Variants in ASIC2 observed in about 807,000 individuals in gnomAD.
ASIC2 encodes acid sensing ion channel subunit 2.
A neutral mutation model predicts 57.3 loss-of-function variants in ASIC2; 25 were observed. The observed-to-expected ratio is 0.44, with a 90% CI of 0.32 to 0.61. The LOEUF is 0.61. Ranked by LOEUF, ASIC2 falls within the 20% of genes least tolerant of loss-of-function variation. The pLI, the probability that ASIC2 is intolerant of heterozygous loss-of-function variation, is 0.06. For missense variants in ASIC2, 641 were observed against 738.1 expected (o/e 0.87, Z 1.52); for synonymous variants, 319 against 307.5 (o/e 1.04, Z -0.39).
At chr17:33,767,414 A>G (rs972747302) in intron 1 of ASIC2, among the ~76,000 whole-genome samples, 1 of 152,252 alleles carries the variant, frequency 6.6e-6, no homozygotes, top group Non-Finnish European at 1.5e-5. Context: ...GTTTGCGTAT[A>G]AATTAGTGAG....
chr17:34,011,371 C>T (rs966564286), intron 1 of ASIC2, among the ~76,000 whole-genome samples: 5 of 152,098 alleles, frequency 3.3e-5, no homozygotes, highest in Non-Finnish European at 5.9e-5. Context: ...CTCACTAAGG[C>T]AAGGGCTACA....
rs1165669716 is a variant in ASIC2, at chr17:34,036,525, TAATAA to T, written c.555+119448_555+119452del. On this transcript the variant is annotated intron_variant, in intron 1 of 9. Transcript: ENST00000359872. ...TACCCTAAAACTTAAAGTATAATAA[TAATAA>T]AATAAAATAAAATAAAAAATAAAAA... Among the ~76,000 whole-genome samples, 145 of 150,192 alleles carry T rather than the reference TAATAA, an allele frequency of 9.7e-4. 1 individual carries two copies. The highest frequency in any genetic ancestry group is 2.3e-3 in the Admixed American group (34 of 14,996).
intron 1 of ASIC2, among the ~76,000 whole-genome samples, chr17:33,759,692 C>A (rs577395692): frequency 1.1e-4 from 17 of 152,304 alleles, no homozygotes; most frequent in African/African-American, 3.4e-4. Flanking sequence ...CACCTCAGGG[C>A]TCTGCTCCCT....
At chr17:34,004,118 C>T (rs1362938658) in intron 1 of ASIC2, 1 of 152,074 alleles carries the variant, frequency 6.6e-6, no homozygotes, top group African/African-American at 2.4e-5. Flanking sequence ...TTGTTGAGTA[C>T]TTTATCTCTT....
rs188776300 is a variant in ASIC2, at chr17:33,760,310, A to G, written c.555+395668T>C. On this transcript the variant is annotated intron_variant, in intron 1 of 9. Transcript: ENST00000359872. ...TATATATAGTATTTATAAATAATGT[A>G]TGTTTTTATTTTATTACTCATTTGA... Among the ~76,000 whole-genome samples, 653 of 152,154 alleles carry G rather than the reference A, an allele frequency of 4.3e-3. 8 individuals carry two copies. The highest frequency in any genetic ancestry group is 0.041 in the Middle Eastern group (12 of 290).
At chr17:33,991,139 G>A (rs1905988465) in intron 1 of ASIC2, among the ~76,000 whole-genome samples, 1 of 152,188 alleles carries the variant, frequency 6.6e-6, no homozygotes, top group South Asian at 2.1e-4. Flanking sequence ...TTATGGGTGT[G>A]AAGCTTGGTG....
chr17:33,777,653 C>A (rs1419138441), intron 1 of ASIC2, among the ~76,000 whole-genome samples: 1 of 152,090 alleles, frequency 6.6e-6, no homozygotes, highest in African/African-American at 2.4e-5. Context: ...GCCTGCTGTG[C>A]GGTAACTGAA....
At chr17:33,486,217 G>A (rs369789175) in intron 1 of ASIC2, among the ~76,000 whole-genome samples, 3 of 152,196 alleles carry the variant, frequency 2.0e-5, no homozygotes, top group Non-Finnish European at 2.9e-5. Context: ...TGACACCTAC[G>A]GGTAGTGTTT....
intron 1 of ASIC2, among the ~76,000 whole-genome samples, chr17:33,277,413 A>G (rs897810216): frequency 6.6e-6 from 1 of 152,224 alleles, no homozygotes; most frequent in Non-Finnish European, 1.5e-5. Context: ...TCTGGGCCTT[A>G]GCTGCCCCAT....
chr17:34,045,726 T>C (rs1429484621), intron 1 of ASIC2, among the ~76,000 whole-genome samples: 3 of 152,202 alleles, frequency 2.0e-5, no homozygotes, highest in African/African-American at 4.8e-5. Context: ...TACCTCTGGC[T>C]GAAAGCAAAA....
At chr17:33,129,020 G>A (rs2092335123) in intron 1 of ASIC2, among the ~76,000 whole-genome samples, 1 of 152,228 alleles carries the variant, frequency 6.6e-6, no homozygotes, top group Non-Finnish European at 1.5e-5. Context: ...GCACTCAGTA[G>A]AAATTTGTTG....
At chr17:33,527,533 G>T (rs1233659851) in intron 1 of ASIC2, among the ~76,000 whole-genome samples, 1 of 152,122 alleles carries the variant, frequency 6.6e-6, no homozygotes, top group Non-Finnish European at 1.5e-5. Flanking sequence ...GACCAGGAGT[G>T]GGGTGTTGTG....
chr17:33,821,071 G>A (rs1459685715), intron 1 of ASIC2, among the ~76,000 whole-genome samples: 1 of 152,132 alleles, frequency 6.6e-6, no homozygotes, highest in Non-Finnish European at 1.5e-5. Context: ...TTTCTGATTT[G>A]TTTCCTTGCC....
chr17:33,176,212 C>T (rs1283761011), intron 1 of ASIC2, among the ~76,000 whole-genome samples: 2 of 152,254 alleles, frequency 1.3e-5, no homozygotes, highest in Admixed American at 6.5e-5. Flanking sequence ...TGCTGTAACA[C>T]TGTCCAAGCT....
At chr17:33,121,898 C>T (rs1273019511) in intron 1 of ASIC2, among the ~76,000 whole-genome samples, 1 of 152,194 alleles carries the variant, frequency 6.6e-6, no homozygotes, top group Non-Finnish European at 1.5e-5. Flanking sequence ...TCAGAGATCT[C>T]CCCAAGGCTG....
At chr17:33,802,044 G>A (rs1912147327) in intron 1 of ASIC2, among the ~76,000 whole-genome samples, 1 of 152,202 alleles carries the variant, frequency 6.6e-6, no homozygotes, top group Middle Eastern at 3.2e-3. Flanking sequence ...TGGAGAGAAG[G>A]TGTTTTGATT....
chr17:33,907,275 A>T (rs575382343), intron 1 of ASIC2, among the ~76,000 whole-genome samples: 2 of 152,080 alleles, frequency 1.3e-5, no homozygotes, highest in Admixed American at 6.6e-5. Context: ...CGATAAGACA[A>T]CTCCAGCATC....
At chr17:33,682,589 A>T (rs768145284) in intron 1 of ASIC2, among the ~76,000 whole-genome samples, 1,978 of 152,330 alleles carry the variant, frequency 0.013, 15 homozygotes, top group Middle Eastern at 0.02. Context: ...GCTTAATGCC[A>T]CAGTCAAATT....
At chr17:33,828,559 G>C (rs9303668) in intron 1 of ASIC2, 123,500 of 152,136 alleles carry the variant, frequency 0.81, 50,491 homozygotes, top group African/African-American at 0.85. Context: ...GAAATTGCTT[G>C]GTGGACTCGG....
Sources: allele counts gnomAD v4.1 joint callset (sites outside exome capture counted in the v4.1 genomes callset), GRCh38; gene constraint gnomAD v4.1.1; transcripts MANE v1.5; gene names NCBI Gene and HGNC (gene_info 2026-07-23, HGNC 2026-07-21).